Variants in OSTC observed in about 807,000 individuals in gnomAD.
OSTC encodes oligosaccharyltransferase complex non-catalytic subunit.
In OSTC, 16 loss-of-function variants were observed where a neutral mutation model predicts 16.4. The ratio of observed to expected loss-of-function variants is 0.98; its 90% CI spans 0.66 to 1.49. The LOEUF (loss-of-function observed/expected upper bound fraction) is 1.49, where lower values mean the gene tolerates loss of function less well. Among genes scored for constraint, OSTC ranks in the 40% most tolerant of loss-of-function variants. OSTC has a pLI of 0.00. For synonymous variants in OSTC, 67 were observed against 68.5 expected, an observed-to-expected ratio of 0.98 and a Z score of 0.11; for missense variants, 139 against 186.3, an observed-to-expected ratio of 0.75 and a Z score of 1.48.
chr4:108,666,937 G>C (rs1464422280), intron 3 of OSTC, among the ~76,000 whole-genome samples: 2 of 147,902 alleles, frequency 1.4e-5, no homozygotes, highest in Non-Finnish European at 3.0e-5. Flanking sequence ...CCCGGGAGGC[G>C]GAGGTTGCAG....
At chr4:108,663,944 G>A (rs1432987268) in intron 3 of OSTC, among the ~76,000 whole-genome samples, 1 of 152,098 alleles carries the variant, frequency 6.6e-6, no homozygotes, top group African/African-American at 2.4e-5. Context: ...TTTTACTTAT[G>A]TAAAATTCTC....
intron 3 of OSTC, among the ~76,000 whole-genome samples, chr4:108,662,620 T>C (rs1205522149): frequency 1.3e-5 from 2 of 152,240 alleles, no homozygotes; most frequent in Non-Finnish European, 2.9e-5. Flanking sequence ...GTTTGCTGGT[T>C]ATTCTATGAC....
chr4:108,666,850 C>G (rs1433991316), intron 3 of OSTC, among the ~76,000 whole-genome samples: 2 of 148,560 alleles, frequency 1.3e-5, no homozygotes, highest in East Asian at 2.0e-4. Flanking sequence ...TATAAAAATA[C>G]AAAAGTTAGC....
At chr4:108,655,519 A>C (rs754628858) in intron 1 of OSTC, 45 bp from the exon 2 acceptor site, 1 of 1,255,594 alleles carries the variant, frequency 8.0e-7, no homozygotes, top group East Asian at 2.4e-5. Flanking sequence ...CCTGTTTTCA[A>C]AAATTAGTAA....
chr4:108,663,520 T>C (rs1726917199), intron 3 of OSTC, among the ~76,000 whole-genome samples: 1 of 152,190 alleles, frequency 6.6e-6, no homozygotes, highest in African/African-American at 2.4e-5. Context: ...ACCATTACTG[T>C]TTCTAAAAGA....
Position 108,650,812 on chromosome 4 carries a change from G to T in OSTC, c.139+18G>T. On this transcript the variant is annotated intron_variant, in intron 1 of 3. Coordinates refer to ENST00000361564, the MANE Select transcript of OSTC (RefSeq NM_021227.4). ...CACCGGAGGTAACTCGGGCTGTCGGGCCCGAGAGGCTGAGGAGCGGAGAAC... is the reference window on the plus strand; with the variant it reads ...CACCGGAGGTAACTCGGGCTGTCGGTCCCGAGAGGCTGAGGAGCGGAGAAC... 1 of 1,613,914 alleles carries T rather than the reference G, an allele frequency of 6.2e-7. No individual in the cohort carries two copies. Among genetic ancestry groups the T allele is most frequent in the Non-Finnish European group, 8.5e-7 (1 of 1,179,910 alleles).
chr4:108,660,696 A>G (rs1241125452), intron 3 of OSTC, among the ~76,000 whole-genome samples: 1 of 152,216 alleles, frequency 6.6e-6, no homozygotes, highest in Non-Finnish European at 1.5e-5. Context: ...GCTGTATCAT[A>G]AGATGCACCA....
intron 1 of OSTC, 66 bp downstream of exon 1, chr4:108,650,860 C>G: frequency 6.2e-7 from 1 of 1,606,744 alleles, no homozygotes; most frequent in South Asian, 1.1e-5. Context: ...GGAGGCGCGT[C>G]TGTTCCGCTG....
At chr4:108,657,724 C>A in intron 3 of OSTC, 77 bp downstream of exon 3, 2 of 1,297,098 alleles carry the variant, frequency 1.5e-6, no homozygotes, top group Non-Finnish European at 2.1e-6. Flanking sequence ...AGTCATAGGA[C>A]ATTTAATTTA....
chr4:108,656,507 C>G (rs1726705465), intron 2 of OSTC, among the ~76,000 whole-genome samples: 1 of 151,538 alleles, frequency 6.6e-6, no homozygotes, highest in South Asian at 2.1e-4. Flanking sequence ...GTATAATCAT[C>G]CCTTTAACGA....
chr4:108,660,797 A>G (rs1480878953), intron 3 of OSTC, among the ~76,000 whole-genome samples: 2 of 152,206 alleles, frequency 1.3e-5, no homozygotes, highest in African/African-American at 2.4e-5. Context: ...GCACTGAAAC[A>G]GTATTACTGG....
chr4:108,663,568 G>T (rs1726918222), intron 3 of OSTC, among the ~76,000 whole-genome samples: 1 of 152,190 alleles, frequency 6.6e-6, no homozygotes, highest in Non-Finnish European at 1.5e-5. Flanking sequence ...CATTGGAGTG[G>T]GTAGTAGACC....
chr4:108,653,557 G>A (rs145527425), intron 1 of OSTC, among the ~76,000 whole-genome samples: 5 of 152,312 alleles, frequency 3.3e-5, no homozygotes, highest in Non-Finnish European at 5.9e-5. Context: ...TTCACTGGGT[G>A]TAGGGGAAGA....
chr4:108,650,845 C>T, intron 1 of OSTC, 51 bp downstream of exon 1: 1 of 1,611,070 alleles, frequency 6.2e-7, no homozygotes, highest in Non-Finnish European at 8.5e-7. Flanking sequence ...AACTGACCCG[C>T]CCCGGGAGGC....
Position 108,652,963 on chromosome 4 carries a change from C to T in OSTC, c.139+2169C>T, listed in dbSNP as rs544089872. Among the ~76,000 whole-genome samples the T allele has an allele frequency of 8.5e-4, 129 of 152,152 alleles. 1 individual carries two copies. Among genetic ancestry groups the T allele is most frequent in the Middle Eastern group, 6.8e-3 (2 of 294 alleles). ...CTGAGGCAGGAGAATTGCTTGTACC[C>T]GGGAGGTGAAGGTTGCAGTGAGCCG... On this transcript the variant is annotated intron_variant, in intron 1 of 3. Transcript: ENST00000361564.
At chr4:108,660,697 A>G (rs1726834448) in intron 3 of OSTC, among the ~76,000 whole-genome samples, 1 of 152,208 alleles carries the variant, frequency 6.6e-6, no homozygotes, top group African/African-American at 2.4e-5. Flanking sequence ...CTGTATCATA[A>G]GATGCACCAT....
intron 3 of OSTC, among the ~76,000 whole-genome samples, chr4:108,659,199 C>T (rs572760105): frequency 6.6e-6 from 1 of 151,068 alleles, no homozygotes; most frequent in East Asian, 2.0e-4. Context: ...CCAGGCTGTT[C>T]TGGAACGCTT....
intron 3 of OSTC, among the ~76,000 whole-genome samples, chr4:108,658,526 C>T (rs1174372656): frequency 6.6e-6 from 1 of 151,612 alleles, no homozygotes; most frequent in Non-Finnish European, 1.5e-5. Flanking sequence ...AAAATAAGAT[C>T]GTTTATGGCA....
At chr4:108,656,286 T>C (rs1451268627) in intron 2 of OSTC, among the ~76,000 whole-genome samples, 1 of 152,140 alleles carries the variant, frequency 6.6e-6, no homozygotes, top group Non-Finnish European at 1.5e-5. Flanking sequence ...ATGTTTATAT[T>C]TGCAGTAATG....
Sources: gnomAD v4.1 joint callset for allele counts (sites outside exome capture counted in the v4.1 genomes callset) on GRCh38, gnomAD v4.1.1 for gene constraint, MANE v1.5 for transcripts, NCBI Gene and HGNC (gene_info 2026-07-23, HGNC 2026-07-21) for gene names.